CDS2: variants seen among roughly 807,000 people sequenced by gnomAD.
CDS2 encodes phosphatidate cytidylyltransferase 2.
CDS2 carries 47 observed loss-of-function variants against 59.0 expected under a neutral mutation model. The ratio of observed to expected loss-of-function variants is 0.80; its 90% CI spans 0.63 to 1.02. The LOEUF is 1.02. Among genes scored for constraint, CDS2 ranks in the 50% least tolerant of loss-of-function variants. The pLI is 0.00. For missense variants in CDS2, 356 were observed against 558.9 expected (o/e 0.64, Z 3.66); for synonymous variants, 207 against 206.4 (o/e 1.00, Z -0.02).
chr20:5,182,250 C>A (rs563878411), intron 5 of CDS2, 137 bp from the exon 6 acceptor site: 45 of 564,412 alleles, frequency 8.0e-5, no homozygotes, highest in Non-Finnish European at 1.2e-4. Flanking sequence ...ATGTTTTTCT[C>A]CCCTGGGCTT....
At chr20:5,185,219 A>C (rs1455113210) in intron 8 of CDS2, among the ~76,000 whole-genome samples, 1 of 152,152 alleles carries the variant, frequency 6.6e-6, no homozygotes. Context: ...CCAGGTGTTC[A>C]AAAGCAGCCT....
chr20:5,154,181 C>T (rs1366166485), intron 1 of CDS2, among the ~76,000 whole-genome samples: 2 of 152,174 alleles, frequency 1.3e-5, no homozygotes, highest in African/African-American at 4.8e-5. Flanking sequence ...GATTGTTGTT[C>T]CCAGCCAGCA....
intron 1 of CDS2, among the ~76,000 whole-genome samples, chr20:5,133,556 C>T (rs975650623): frequency 2.6e-5 from 4 of 152,140 alleles, no homozygotes; most frequent in Admixed American, 1.3e-4. Context: ...GACGAAGTTT[C>T]GCTGTTGTTG....
In CDS2 at chr20:5,184,197, G is replaced by T. The variant is rs2091051200; in HGVS notation, c.672-661G>T. On this transcript the variant is annotated intron_variant, in intron 7 of 12. Coordinates refer to ENST00000460006, the MANE Select transcript of CDS2 (RefSeq NM_003818.4). This position sits in a 1 kb window ranked among gnomAD's most constrained non-coding sequence, Gnocchi z 4.3. Reference sequence around the variant, plus strand: ...ACAAACAAACAAACCTGTAATCAAAGAACTTTTTAAAAAGTGTCAGTGTCA... The same window carrying T: ...ACAAACAAACAAACCTGTAATCAAATAACTTTTTAAAAAGTGTCAGTGTCA... Among the ~76,000 whole-genome samples, 4 of 151,998 alleles carry T rather than the reference G, an allele frequency of 2.6e-5. No individual in the cohort carries two copies. Among genetic ancestry groups the T allele is most frequent in the South Asian group, 4.1e-4 (2 of 4,822 alleles).
At chr20:5,179,012 C>A in intron 5 of CDS2, 56 bp downstream of exon 5, 1 of 1,555,792 alleles carries the variant, frequency 6.4e-7, no homozygotes, top group Non-Finnish European at 8.9e-7. Context: ...GTATGTCTGT[C>A]AGGTAGGAAT....
chr20:5,129,510 T>C (rs1369867641), intron 1 of CDS2, among the ~76,000 whole-genome samples: 1 of 151,824 alleles, frequency 6.6e-6, no homozygotes, highest in Non-Finnish European at 1.5e-5. Context: ...TGGCATGATG[T>C]TGGCTCATCG....
intron 8 of CDS2, among the ~76,000 whole-genome samples, chr20:5,185,175 C>T (rs997843105): frequency 2.0e-5 from 3 of 151,504 alleles, no homozygotes; most frequent in African/African-American, 7.3e-5. Flanking sequence ...AATCCTAGCA[C>T]TATGGGATGC....
Position 5,183,207 on chromosome 20 carries a change from C to G in CDS2, c.671+64C>G, listed in dbSNP as rs1419394449. On this transcript the variant is annotated intron_variant, in intron 7 of 12. Transcript: ENST00000460006. ...AGTGTTTCTCGTGTACAGATACCCCCCTCTAAGCCAGTGGCCCTCACCTTG... is the reference window on the plus strand; with the variant it reads ...AGTGTTTCTCGTGTACAGATACCCCGCTCTAAGCCAGTGGCCCTCACCTTG... The G allele has an allele frequency of 4.1e-5, 57 of 1,382,216 alleles. No homozygotes were observed. In the East Asian group the frequency reaches 1.3e-3, roughly 31 times the overall value. The allele number at this position is 1,382,216 out of a possible 1,614,324, so 85.6% of individuals were successfully genotyped here.
intron 1 of CDS2, among the ~76,000 whole-genome samples, chr20:5,153,296 C>T (rs922390302): frequency 2.0e-5 from 3 of 152,038 alleles, no homozygotes; most frequent in African/African-American, 4.8e-5. Context: ...GTATAGAGTG[C>T]GTACATATCA....
rs142884987 is a variant in CDS2, at chr20:5,158,328, C to T, written c.58-15195C>T. On this transcript the variant is annotated intron_variant, in intron 1 of 12. Transcript: ENST00000460006. The stretch of plus-strand genomic sequence containing the variant: ...GGGATTACAGGCACCTGCCACCACG[C>T]CCAGCTAATTTTTTTGTATTTTTAG... Among the ~76,000 whole-genome samples the T allele has an allele frequency of 4.8e-3, 734 of 152,168 alleles. 13 individuals carry two copies. Among genetic ancestry groups the T allele is most frequent in the East Asian group, 0.035 (180 of 5,170 alleles).
intron 1 of CDS2, among the ~76,000 whole-genome samples, chr20:5,130,613 G>A (rs181004054): frequency 3.3e-5 from 5 of 151,274 alleles, no homozygotes; most frequent in South Asian, 2.1e-4. Context: ...TAGAAACCCC[G>A]TCTCTACTAA....
intron 1 of CDS2, among the ~76,000 whole-genome samples, chr20:5,142,104 A>G (rs1316366363): frequency 6.6e-6 from 1 of 152,206 alleles, no homozygotes; most frequent in Non-Finnish European, 1.5e-5. Flanking sequence ...GCTTGAGGCC[A>G]GGAGTTCAAG....
chr20:5,175,526 G>A (rs1003029286), intron 3 of CDS2: 15 of 370,940 alleles, frequency 4.0e-5, no homozygotes, highest in African/African-American at 2.6e-4. Context: ...TGACTTTATT[G>A]CCTGTGATCC....
chr20:5,185,892 C>T lies in CDS2; in HGVS notation c.828+66C>T, dbSNP rs2091063934. ...AGAGGCCTCATACCACCTTCCAAGGCCTGTCCAGAGCTGGAGAGTGTCTTT... is the reference window on the plus strand; with the variant it reads ...AGAGGCCTCATACCACCTTCCAAGGTCTGTCCAGAGCTGGAGAGTGTCTTT... On this transcript the variant is annotated intron_variant, in intron 9 of 12. Transcript: ENST00000460006. 15 of 1,443,362 alleles carry T rather than the reference C, an allele frequency of 1.0e-5. No individual in the cohort carries two copies. The South Asian group carries it at 1.5e-4, about 14-fold the overall frequency. 89.4% of individuals were successfully genotyped at this position (1,443,362 alleles called of 1,614,324 possible).
intron 1 of CDS2, among the ~76,000 whole-genome samples, chr20:5,169,013 A>G (rs769068078): frequency 1.4e-4 from 22 of 152,210 alleles, no homozygotes; most frequent in Non-Finnish European, 2.8e-4. Flanking sequence ...TGTGTCCTTC[A>G]TCCTAAGTGC....
At chr20:5,186,448 G>A (rs183106271) in intron 9 of CDS2, among the ~76,000 whole-genome samples, 19 of 152,094 alleles carry the variant, frequency 1.2e-4, no homozygotes, top group Admixed American at 6.5e-4. Context: ...AGGTTTTCCC[G>A]GATTCTTTCG....
intron 1 of CDS2, among the ~76,000 whole-genome samples, chr20:5,156,217 GGTCTGCATAGT>G (rs763338183): frequency 5.9e-4 from 90 of 152,280 alleles, no homozygotes; most frequent in Middle Eastern, 3.4e-3. Context: ...TAAATGAAAG[GGTCTGCATAGT>G]GTGAGAACTG....
At chr20:5,138,028 A>G (rs2090662420) in intron 1 of CDS2, among the ~76,000 whole-genome samples, 1 of 151,502 alleles carries the variant, frequency 6.6e-6, no homozygotes, top group African/African-American at 2.4e-5. Context: ...TGATCTCCTG[A>G]CCTCGTGATG....
At chr20:5,153,092 A>G (rs2090805542) in intron 1 of CDS2, among the ~76,000 whole-genome samples, 1 of 152,126 alleles carries the variant, frequency 6.6e-6, no homozygotes, top group South Asian at 2.1e-4. Context: ...CTTTGGGGCT[A>G]GTTTTGAACT....
Sources: gnomAD v4.1 joint callset for allele counts (sites outside exome capture counted in the v4.1 genomes callset) on GRCh38, gnomAD v4.1.1 for gene constraint, Gnocchi (gnomAD v3.1) non-coding constraint, MANE v1.5 for transcripts, NCBI Gene and HGNC (gene_info 2026-07-23, HGNC 2026-07-21) for gene names.